The following RAB25 variants were observed in gnomAD, a reference collection of about 807,000 sequenced individuals.
RAB25 encodes the protein ras-related protein Rab-25.
A neutral mutation model predicts 25.2 loss-of-function variants in RAB25; 23 were observed. The observed-to-expected ratio is 0.91, with a 90% CI of 0.66 to 1.29. The LOEUF is 1.29. RAB25 is among the 50% of genes most tolerant of loss of function. RAB25 has a pLI of 0.00. For synonymous variants in RAB25, 102 were observed against 111.5 expected (o/e 0.91, Z 0.54); for missense variants, 244 against 277.3 (o/e 0.88, Z 0.85).
intron 2 of RAB25, chr1:156,066,352 C>G (rs1249589423): frequency 5.4e-6 from 2 of 372,862 alleles, no homozygotes; most frequent in Non-Finnish European, 9.5e-6. Context: ...TGCTATGTGC[C>G]CAGGAAGGGA....
chr1:156,067,942 G>A (rs959242585), intron 2 of RAB25, among the ~76,000 whole-genome samples: 3 of 152,144 alleles, frequency 2.0e-5, no homozygotes, highest in African/African-American at 7.2e-5. Context: ...TAGTAGAGAT[G>A]GGGTTTCTCC....
intron 2 of RAB25, 125 bp from the exon 3 acceptor site, chr1:156,068,145 C>G: frequency 1.1e-6 from 1 of 881,608 alleles, no homozygotes; most frequent in South Asian, 1.8e-5. Flanking sequence ...CCCCTGGCCG[C>G]AAGTTTCTGT....
intron 2 of RAB25, among the ~76,000 whole-genome samples, chr1:156,067,600 G>A (rs1647778472): frequency 1.3e-5 from 2 of 152,236 alleles, no homozygotes; most frequent in South Asian, 2.1e-4. Flanking sequence ...GGAGCCATGT[G>A]AGGAAGATCT....
At chr1:156,067,109 T>C (rs1019211998) in intron 2 of RAB25, among the ~76,000 whole-genome samples, 2 of 151,450 alleles carry the variant, frequency 1.3e-5, no homozygotes, top group African/African-American at 4.9e-5. Flanking sequence ...GGTGGGTGCC[T>C]GTAATCCCAA....
chr1:156,061,280 C>G lies in RAB25; in HGVS notation c.-121C>G, dbSNP rs1647570661. 1 of 1,038,160 alleles carries G rather than the reference C, an allele frequency of 9.6e-7. No individual in the cohort carries two copies. The allele number at this position is 1,038,160 out of a possible 1,614,324, so 64.3% of individuals were successfully genotyped here. A position where few individuals can be genotyped will look rare whatever the true frequency, so the allele number is the denominator to read the frequency against. On this transcript the variant is annotated 5_prime_UTR_variant, in exon 1 of 5. Transcript: ENST00000361084. Reference sequence around the variant, plus strand: ...CTCTGGCTGCAGAAGTCCCCTTACCCCCAATGAGAGGAGGGGCAGGACCAG... The same window carrying G: ...CTCTGGCTGCAGAAGTCCCCTTACCGCCAATGAGAGGAGGGGCAGGACCAG...
chr1:156,070,287 A>T lies in RAB25; in HGVS notation c.642A>T (p.Ter214CysextTer44). Residue 214 changes from the stop codon to cysteine, a stop_lost, in exon 5 of 5, where the codon TGA (stop) becomes TGT (cysteine). Coordinates refer to ENST00000361084, the MANE Select transcript of RAB25 (RefSeq NM_020387.4). The part of the protein sequence containing the change: ...GEKRACCISL[*>C] Reference sequence around the variant, plus strand: ...AGAGGGCCTGTTGCATCAGCCTCTGACCTTGGCCAGCACCACCTGCCCCCA... The same window carrying T: ...AGAGGGCCTGTTGCATCAGCCTCTGTCCTTGGCCAGCACCACCTGCCCCCA... 2.5e-6 allele frequency: 4 copies of T among 1,612,806 alleles called. No homozygotes were observed. The highest frequency in any genetic ancestry group is 1.1e-5 in the South Asian group (1 of 91,050).
Position 156,066,098 on chromosome 1 carries a change from C to T in RAB25, c.231C>T (p.Ile77=). The change falls in exon 2 of 5, where the codon ATC becomes ATT. Residue 77 remains isoleucine (I), a synonymous_variant. Transcript: ENST00000361084. ...CTGGCCTGGAGCGGTACCGAGCCAT[C>T]ACCTCGGCGTGAGCCCGGGCCTGGG... is the stretch of plus-strand genomic sequence containing the variant. ...DTAGLERYRA[I]TSAYYRGAVG... 1 of 1,584,534 alleles carries T rather than the reference C, an allele frequency of 6.3e-7. No homozygotes were observed. Among genetic ancestry groups the T allele is most frequent in the Non-Finnish European group, 8.6e-7 (1 of 1,159,954 alleles).
intron 1 of RAB25, among the ~76,000 whole-genome samples, chr1:156,063,863 G>A (rs1308735064): frequency 6.6e-6 from 1 of 152,248 alleles, no homozygotes; most frequent in African/African-American, 2.4e-5. Context: ...GCATTCTTAT[G>A]AGGATTAAAT....
Position 156,070,352 on chromosome 1 carries a change from G to A in RAB25, c.*65G>A, listed in dbSNP as rs1647872215. 1.3e-6 allele frequency: 2 copies of A among 1,575,832 alleles called. No individual in the cohort carries two copies. The highest frequency in any genetic ancestry group is 4.5e-5 in the East Asian group (2 of 44,526). On this transcript the variant is annotated 3_prime_UTR_variant, in exon 5 of 5. Transcript: ENST00000361084. ...CCCCTTGTCCCCACTTCAGCCCCAG[G>A]ACCTTTCCTTGCCCTTTGGTTCCAG...
intron 2 of RAB25, among the ~76,000 whole-genome samples, chr1:156,066,969 C>T (rs1647764281): frequency 6.6e-6 from 1 of 151,530 alleles, no homozygotes; most frequent in African/African-American, 2.4e-5. Flanking sequence ...GGCGCGGTAG[C>T]TCACACCTGT....
intron 2 of RAB25, among the ~76,000 whole-genome samples, chr1:156,067,404 C>T (rs2102771043): frequency 6.6e-6 from 1 of 152,256 alleles, no homozygotes; most frequent in East Asian, 1.9e-4. Context: ...TCTTATGAGC[C>T]TCAGTTGACT....
At chr1:156,069,628 C>T in intron 3 of RAB25, 43 bp from the exon 4 acceptor site, 1 of 1,383,458 alleles carries the variant, frequency 7.2e-7, no homozygotes, top group Non-Finnish European at 1.0e-6. Context: ...ATTATTATTG[C>T]CTTTGACTCC....
Position 156,070,267 on chromosome 1 carries a change from G to A in RAB25, c.622G>A (p.Ala208Thr), listed in dbSNP as rs1647869013. 3 of 1,613,826 alleles carry A rather than the reference G, an allele frequency of 1.9e-6. No individual in the cohort carries two copies. The South Asian group carries it at 3.3e-5, about 18-fold the overall frequency. Reference protein sequence around the residue: ...GQEPGPGEKRACCISL With the variant: ...GQEPGPGEKRTCCISL ...GGAGCCTGGCCCTGGGGAGAAGAGG[G>A]CCTGTTGCATCAGCCTCTGACCTTG... The change falls in exon 5 of 5, where the codon GCC becomes ACC. Residue 208 changes from alanine (A) to threonine (T), a missense_variant. By Grantham distance (58) the Ala-to-Thr change is moderately conservative. Transcript: ENST00000361084.
chr1:156,064,901 C>G (rs1647695783), intron 1 of RAB25, among the ~76,000 whole-genome samples: 1 of 152,134 alleles, frequency 6.6e-6, no homozygotes, highest in African/African-American at 2.4e-5. Context: ...CTCTGGGTGG[C>G]CTCCTCTAAT....
At chr1:156,067,737 G>A (rs1347019839) in intron 2 of RAB25, among the ~76,000 whole-genome samples, 2 of 152,160 alleles carry the variant, frequency 1.3e-5, no homozygotes, top group Non-Finnish European at 2.9e-5. Context: ...TTAGAGCAGG[G>A]AGGTGAAACT....
rs1299190199 is a variant in RAB25 at position 156,070,303 on chromosome 1, C to T, written c.*16C>T. ...CAGCCTCTGACCTTGGCCAGCACCA[C>T]CTGCCCCCACTGGCTTTTTGGTGCC... On this transcript the variant is annotated 3_prime_UTR_variant, in exon 5 of 5. Transcript: ENST00000361084. The T allele has an allele frequency of 1.2e-5, 19 of 1,610,380 alleles. No individual in the cohort carries two copies. The African/African-American group carries it at 2.3e-4, about 19-fold the overall frequency.
intron 4 of RAB25, 102 bp from the exon 5 acceptor site, chr1:156,070,058 C>A: frequency 6.3e-7 from 1 of 1,575,202 alleles, no homozygotes; most frequent in East Asian, 2.2e-5. Flanking sequence ...TGTGGCCACC[C>A]CCCATGCTCA....
Position 156,066,033 on chromosome 1 carries a change from T to C in RAB25, c.166T>C (p.Leu56=), listed in dbSNP as rs760578833. 1 of 1,613,816 alleles carries C rather than the reference T, an allele frequency of 6.2e-7. No homozygotes were observed. Among genetic ancestry groups the C allele is most frequent in the South Asian group, 1.1e-5 (1 of 91,058 alleles). ...GVEFSTRTVM[L]GTAAVKAQIW... ...TGAGTTCTCCACCCGCACTGTGATG[T>C]TGGGCACCGCTGCTGTCAAGGCTCA... Residue 56 remains leucine, a synonymous_variant, in exon 2 of 5, where the codon TTG becomes CTG. Coordinates refer to ENST00000361084, the MANE Select transcript of RAB25 (RefSeq NM_020387.4).
At chr1:156,066,390 G>C (rs561624299) in intron 2 of RAB25, 1 of 301,774 alleles carries the variant, frequency 3.3e-6, no homozygotes, top group Admixed American at 4.9e-5. Context: ...GGCATTTTAT[G>C]TAACCCTTAA....
Sources: allele counts gnomAD v4.1 joint callset (sites outside exome capture counted in the v4.1 genomes callset), GRCh38; gene constraint gnomAD v4.1.1; transcripts MANE v1.5; gene names NCBI Gene and HGNC (gene_info 2026-07-23, HGNC 2026-07-21).